CHM: variants seen among roughly 807,000 people sequenced by gnomAD.
CHM encodes CHM Rab escort protein.
In CHM, 10 loss-of-function variants were observed where a neutral mutation model predicts 49.0. That is an observed-to-expected ratio of 0.20 (90% CI 0.13 to 0.35). The LOEUF is 0.35. Among genes scored for constraint, CHM ranks in the 10% least tolerant of loss-of-function variants. CHM has a pLI of 1.00. For synonymous variants in CHM, 184 were observed against 167.5 expected (o/e 1.10, Z -0.76); for missense variants, 455 against 478.4 (o/e 0.95, Z 0.46).
intron 4 of CHM, among the ~76,000 whole-genome samples, chrX:85,968,794 G>A (rs965855282): frequency 1.8e-5 from 2 of 111,607 alleles, no homozygotes; most frequent in Admixed American, 1.9e-4. Context: ...GCTGCCCCAG[G>A]GCTCTGATGG....
chrX:85,870,337 C>A (rs1193945798), intron 14 of CHM, among the ~76,000 whole-genome samples: 2 of 111,725 alleles, frequency 1.8e-5, no homozygotes, highest in African/African-American at 6.5e-5. Flanking sequence ...CATGAGAAAA[C>A]AAATGGCACT....
At chrX:85,972,725 C>T (rs1386033733) in intron 4 of CHM, among the ~76,000 whole-genome samples, 1 of 112,375 alleles carries the variant, frequency 8.9e-6, no homozygotes, top group African/African-American at 3.2e-5. Flanking sequence ...GCCCCAGTTC[C>T]CGCTCGTGCC....
chrX:86,009,959 T>C (rs897336711), intron 2 of CHM, among the ~76,000 whole-genome samples: 95 of 109,938 alleles, frequency 8.6e-4, no homozygotes, highest in African/African-American at 2.7e-3. Flanking sequence ...AATGATAGAC[T>C]GGATAAAGAA....
At chrX:85,944,600 T>C (rs1230074324) in intron 8 of CHM, among the ~76,000 whole-genome samples, 1 of 111,993 alleles carries the variant, frequency 8.9e-6, no homozygotes, top group African/African-American at 3.2e-5. Flanking sequence ...TTTGGCCTTC[T>C]CTAAATCTCT....
In CHM at chrX:85,927,248, C is replaced by T. The variant is rs1928145674; in HGVS notation, c.1167-15910G>A. On this transcript the variant is annotated intron_variant, in intron 8 of 14. Coordinates refer to ENST00000357749, the MANE Select transcript of CHM (RefSeq NM_000390.4). ...TAAAAAATAAATTTACTTTAATAGG[C>T]TCTGACAAGAGTATAATGTTTGACT... 3.6e-5 allele frequency among the ~76,000 whole-genome samples: 4 copies of T among 111,601 alleles called. 1 individual carries two copies. In the South Asian group the frequency reaches 1.5e-3, roughly 41 times the overall value.
intron 8 of CHM, among the ~76,000 whole-genome samples, chrX:85,928,992 A>T (rs148088181): frequency 8.9e-6 from 1 of 112,315 alleles, no homozygotes; most frequent in East Asian, 2.8e-4. Flanking sequence ...ATACAACTAT[A>T]TAAAAGCAAT....
intron 8 of CHM, among the ~76,000 whole-genome samples, chrX:85,922,613 C>A (rs1927858984): frequency 8.9e-6 from 1 of 112,453 alleles, no homozygotes; most frequent in African/African-American, 3.2e-5. Flanking sequence ...CTGAAAATAT[C>A]AATGGGTATA....
At chrX:85,960,438 T>G in intron 5 of CHM, among the ~76,000 whole-genome samples, 1 of 99,604 alleles carries the variant, frequency 1.0e-5, no homozygotes, top group East Asian at 3.0e-4. Context: ...TTCTTTTTTT[T>G]TTATTGAGAC....
intron 2 of CHM, among the ~76,000 whole-genome samples, chrX:86,023,544 T>C (rs1446216942): frequency 9.0e-6 from 1 of 111,470 alleles, no homozygotes; most frequent in Non-Finnish European, 1.9e-5. Context: ...TCAAATAGCA[T>C]AGCATGTGTG....
chrX:85,892,310 G>T (rs1197933068), intron 12 of CHM, among the ~76,000 whole-genome samples: 3 of 109,252 alleles, frequency 2.7e-5, no homozygotes, highest in Admixed American at 9.7e-5. Context: ...ATATGGTTTG[G>T]CTGTGTCCCC....
intron 8 of CHM, among the ~76,000 whole-genome samples, chrX:85,927,505 T>C (rs1309536688): frequency 8.9e-6 from 1 of 112,434 alleles, no homozygotes; most frequent in East Asian, 2.8e-4. Flanking sequence ...GTTTCAATTA[T>C]TAAACTGCCA....
intron 11 of CHM, among the ~76,000 whole-genome samples, chrX:85,895,716 C>A (rs941550128): frequency 1.3e-4 from 15 of 111,459 alleles, no homozygotes; most frequent in Non-Finnish European, 2.1e-4. Flanking sequence ...CAAAATGTCT[C>A]AAAAATTTAT....
chrX:85,883,959 G>C, intron 12 of CHM, among the ~76,000 whole-genome samples: 1 of 110,714 alleles, frequency 9.0e-6, no homozygotes, highest in Non-Finnish European at 1.9e-5. Flanking sequence ...GTACTGCAAA[G>C]AACATGAAAA....
intron 2 of CHM, among the ~76,000 whole-genome samples, chrX:86,012,664 T>C (rs1220046240): frequency 9.0e-6 from 1 of 111,664 alleles, no homozygotes; most frequent in Non-Finnish European, 1.9e-5. Context: ...AATAAACTCC[T>C]TTTTCAAACC....
intron 4 of CHM, among the ~76,000 whole-genome samples, chrX:85,968,540 C>T (rs1930699839): frequency 8.9e-6 from 1 of 111,926 alleles, no homozygotes; most frequent in Non-Finnish European, 1.9e-5. Context: ...ATAATTTTAC[C>T]TCCCTTTGCT....
chrX:85,968,079 C>A (rs1192434950), intron 4 of CHM, among the ~76,000 whole-genome samples: 1 of 111,747 alleles, frequency 8.9e-6, no homozygotes, highest in Non-Finnish European at 1.9e-5. Context: ...GATGTTTATA[C>A]TTTGTTCTAA....
intron 8 of CHM, among the ~76,000 whole-genome samples, chrX:85,922,353 G>T: frequency 9.0e-6 from 1 of 110,776 alleles, no homozygotes; most frequent in African/African-American, 3.3e-5. Flanking sequence ...ATCTTTCTTT[G>T]AGCAGGAAGT....
At chrX:85,983,228 A>T (rs1931725754) in intron 2 of CHM, among the ~76,000 whole-genome samples, 2 of 110,837 alleles carry the variant, frequency 1.8e-5, no homozygotes, top group Non-Finnish European at 3.8e-5. Context: ...GTCTCTTCGG[A>T]AATAATGTAA....
chrX:85,919,529 T>A (rs1418060469), intron 8 of CHM, among the ~76,000 whole-genome samples: 1 of 110,938 alleles, frequency 9.0e-6, no homozygotes, highest in Non-Finnish European at 1.9e-5. Context: ...CTACTTATAG[T>A]AAATCATCAA....
Sources: allele counts gnomAD v4.1 joint callset (sites outside exome capture counted in the v4.1 genomes callset), GRCh38; gene constraint gnomAD v4.1.1; transcripts MANE v1.5; gene names NCBI Gene and HGNC (gene_info 2026-07-23, HGNC 2026-07-21).